CFAP299: variants seen among roughly 807,000 people sequenced by gnomAD.
CFAP299 encodes the protein cilia- and flagella-associated protein 299.
In CFAP299, 21 loss-of-function variants were observed where a neutral mutation model predicts 27.0. The ratio of observed to expected loss-of-function variants is 0.78; its 90% CI spans 0.55 to 1.12. The LOEUF is 1.12. Ranked by LOEUF, CFAP299 falls within the 50% of genes most tolerant of loss-of-function variation. The probability of loss-of-function intolerance (pLI) is 0.00; values close to 1 mark genes in which losing one functional copy is unlikely to be tolerated. For synonymous variants in CFAP299, 104 were observed against 98.1 expected (o/e 1.06, Z -0.36); for missense variants, 310 against 276.6 (o/e 1.12, Z -0.86).
chr4:80,391,284 G>A (rs1725466552), intron 2 of CFAP299, among the ~76,000 whole-genome samples: 2 of 151,992 alleles, frequency 1.3e-5, no homozygotes. Context: ...AATTTTTTGA[G>A]AATCTTCATA....
At chr4:80,679,836 AT>A (rs1182625310) in intron 3 of CFAP299, among the ~76,000 whole-genome samples, 5 of 150,498 alleles carry the variant, frequency 3.3e-5, no homozygotes, top group African/African-American at 4.9e-5. Flanking sequence ...CATACATTGC[AT>A]TTTCATACAT....
At chr4:80,887,381 G>A (rs1734023401) in intron 4 of CFAP299, among the ~76,000 whole-genome samples, 1 of 152,146 alleles carries the variant, frequency 6.6e-6, no homozygotes, top group Non-Finnish European at 1.5e-5. Flanking sequence ...ACCTCTGGAA[G>A]CAGACTTCTC....
At chr4:80,499,063 A>G (rs1016709816) in intron 2 of CFAP299, among the ~76,000 whole-genome samples, 1 of 152,090 alleles carries the variant, frequency 6.6e-6, no homozygotes, top group African/African-American at 2.4e-5. Context: ...ATGGACACAA[A>G]GAACAGAACA....
chr4:80,769,943 A>G lies in CFAP299; in HGVS notation c.334-100050A>G, dbSNP rs555369676. 4.6e-4 allele frequency among the ~76,000 whole-genome samples: 70 copies of G among 152,264 alleles called. No individual in the cohort carries two copies. The South Asian group carries it at 8.7e-3, about 19-fold the overall frequency. ...ATTAGTTTGTTAGGCCTGGGAATTAATCTCTCTGGCTCTCTGTTCTACCTT... is the reference window on the plus strand; with the variant it reads ...ATTAGTTTGTTAGGCCTGGGAATTAGTCTCTCTGGCTCTCTGTTCTACCTT... On this transcript the variant is annotated intron_variant, in intron 3 of 5. Transcript: ENST00000358105.
intron 5 of CFAP299, among the ~76,000 whole-genome samples, chr4:80,954,161 C>A (rs1283468436): frequency 6.6e-6 from 1 of 152,146 alleles, no homozygotes; most frequent in East Asian, 1.9e-4. Flanking sequence ...AACCTGATAA[C>A]TAATAACACA....
intron 3 of CFAP299, among the ~76,000 whole-genome samples, chr4:80,841,489 G>T (rs560915276): frequency 6.6e-6 from 1 of 152,122 alleles, no homozygotes; most frequent in African/African-American, 2.4e-5. Context: ...CACAGGTTAA[G>T]CAATTTCTAT....
chr4:80,657,849 TCCTATC>T (rs1740641512), intron 3 of CFAP299, among the ~76,000 whole-genome samples: 1 of 152,200 alleles, frequency 6.6e-6, no homozygotes, highest in South Asian at 2.1e-4. Context: ...TATTGATTCT[TCCTATC>T]CATGAGCATA....
intron 2 of CFAP299, among the ~76,000 whole-genome samples, chr4:80,502,475 A>G (rs1020793219): frequency 2.6e-5 from 4 of 152,072 alleles, no homozygotes; most frequent in Admixed American, 6.6e-5. Context: ...TCTTTTCTAG[A>G]TAGAAACAGG....
At chr4:80,621,878 G>T (rs1356791830) in intron 3 of CFAP299, among the ~76,000 whole-genome samples, 1 of 152,008 alleles carries the variant, frequency 6.6e-6, no homozygotes, top group Non-Finnish European at 1.5e-5. Flanking sequence ...TTTGTGGGAT[G>T]GTGGGGTGAG....
chr4:80,465,738 C>A (rs1729668599), intron 2 of CFAP299, among the ~76,000 whole-genome samples: 1 of 152,294 alleles, frequency 6.6e-6, no homozygotes, highest in African/African-American at 2.4e-5. Flanking sequence ...AGACCAAACA[C>A]ACAAACATAA....
At chr4:80,379,347 G>C (rs1724581339) in intron 2 of CFAP299, among the ~76,000 whole-genome samples, 1 of 151,810 alleles carries the variant, frequency 6.6e-6, no homozygotes, top group Admixed American at 6.6e-5. Context: ...TGAAGAACCA[G>C]CTTTTTAACA....
At chr4:80,648,410 G>GTGCTTTGTA (rs1740130505) in intron 3 of CFAP299, among the ~76,000 whole-genome samples, 1 of 152,106 alleles carries the variant, frequency 6.6e-6, no homozygotes. Context: ...TATGCTTTGT[G>GTGCTTTGTA]TGCTTTGTAT....
intron 2 of CFAP299, among the ~76,000 whole-genome samples, chr4:80,374,916 T>C (rs1724328680): frequency 6.6e-6 from 1 of 152,082 alleles, no homozygotes; most frequent in South Asian, 2.1e-4. Flanking sequence ...TGTTTGCATA[T>C]GACTTAACTG....
At chr4:80,519,302 G>A (rs1732784727) in intron 2 of CFAP299, among the ~76,000 whole-genome samples, 2 of 152,124 alleles carry the variant, frequency 1.3e-5, no homozygotes, top group South Asian at 2.1e-4. Context: ...TGCCTCCTGG[G>A]TTCAAGTGAT....
At chr4:80,437,947 T>C (rs1728171973) in intron 2 of CFAP299, among the ~76,000 whole-genome samples, 1 of 152,236 alleles carries the variant, frequency 6.6e-6, no homozygotes. Context: ...CCTTTTATTC[T>C]TTTCTTACTC....
intron 2 of CFAP299, among the ~76,000 whole-genome samples, chr4:80,547,971 T>C (rs1734323350): frequency 1.3e-5 from 2 of 152,150 alleles, no homozygotes; most frequent in South Asian, 4.1e-4. Context: ...ATTTAGTGAT[T>C]TCACCAAGAA....
At chr4:80,341,742 C>G (rs1578332083) in intron 1 of CFAP299, among the ~76,000 whole-genome samples, 1 of 152,214 alleles carries the variant, frequency 6.6e-6, no homozygotes, top group South Asian at 2.1e-4. Context: ...TGCTGAAACT[C>G]GAAAAGCCAG....
At chr4:80,554,239 A>C (rs779925588) in intron 2 of CFAP299, among the ~76,000 whole-genome samples, 1 of 152,172 alleles carries the variant, frequency 6.6e-6, no homozygotes, top group Admixed American at 6.5e-5. Flanking sequence ...CATTTATTGA[A>C]TATCAAGTCT....
chr4:80,432,849 T>C (rs1424830732), intron 2 of CFAP299, among the ~76,000 whole-genome samples: 1 of 152,150 alleles, frequency 6.6e-6, no homozygotes, highest in Non-Finnish European at 1.5e-5. Context: ...ATACTTTCTG[T>C]GCAAGGTAAT....
Sources: allele counts gnomAD v4.1 joint callset (sites outside exome capture counted in the v4.1 genomes callset), GRCh38; gene constraint gnomAD v4.1.1; transcripts MANE v1.5; gene names NCBI Gene and HGNC (gene_info 2026-07-23, HGNC 2026-07-21).